GPATCH11: variants seen among roughly 807,000 people sequenced by gnomAD.
GPATCH11 encodes the protein G-patch domain containing 11, also known as G patch domain-containing protein 11.
Under a neutral mutation model 44.8 loss-of-function variants are expected in GPATCH11, and 32 were observed. The observed-to-expected ratio is 0.71, with a 90% confidence interval of 0.54 to 0.96. The LOEUF (loss-of-function observed/expected upper bound fraction) is 0.96. Ranked by LOEUF, GPATCH11 falls within the 40% of genes least tolerant of loss-of-function variation. The pLI is 0.00. For synonymous variants in GPATCH11, 84 were observed against 94.4 expected (o/e 0.89, Z 0.64); for missense variants, 324 against 303.1 (o/e 1.07, Z -0.51).
intron 4 of GPATCH11, 149 bp from the exon 5 acceptor site, chr2:37,091,766 AC>A: frequency 1.8e-6 from 1 of 549,040 alleles, no homozygotes; most frequent in Non-Finnish European, 3.0e-6. Flanking sequence ...CTTAAAAAAA[AC>A]CCTAGTGTTT....
chr2:37,094,003 T>C (rs1363715483), intron 6 of GPATCH11, 79 bp from the exon 7 acceptor site: 4 of 909,014 alleles, frequency 4.4e-6, no homozygotes, highest in Non-Finnish European at 7.1e-6. Flanking sequence ...ATTGAAAGAA[T>C]GAATTCATGT....
At chr2:37,090,622 A>T in intron 3 of GPATCH11, 59 bp from the exon 4 acceptor site, 1 of 909,794 alleles carries the variant, frequency 1.1e-6, no homozygotes, top group Non-Finnish European at 1.7e-6. Flanking sequence ...TTGCATACTT[A>T]TACTGTTCTG....
chr2:37,095,673 T>G (rs576090773), intron 8 of GPATCH11, among the ~76,000 whole-genome samples, 155 bp downstream of exon 8: 1 of 152,316 alleles, frequency 6.6e-6, no homozygotes, highest in East Asian at 1.9e-4. Flanking sequence ...AATTGAGGCT[T>G]TATTAAAATT....
intron 6 of GPATCH11, among the ~76,000 whole-genome samples, chr2:37,092,914 G>A (rs1414770864): frequency 6.6e-6 from 1 of 152,098 alleles, no homozygotes; most frequent in Non-Finnish European, 1.5e-5. Flanking sequence ...GGGAGGCAAA[G>A]GCAGGATGAT....
At chr2:37,091,047 G>A (rs1363507587) in intron 4 of GPATCH11, among the ~76,000 whole-genome samples, 3 of 152,160 alleles carry the variant, frequency 2.0e-5, no homozygotes, top group African/African-American at 7.2e-5. Flanking sequence ...AGAGTTGGCC[G>A]GGCGTGGTGG....
chr2:37,092,456 A>G (rs139271234), intron 6 of GPATCH11, among the ~76,000 whole-genome samples: 312 of 143,238 alleles, frequency 2.2e-3, no homozygotes, highest in Middle Eastern at 7.2e-3. Flanking sequence ...TATATTATAT[A>G]TATTTTATGT....
chr2:37,088,327 C>T, intron 1 of GPATCH11, 42 bp from the exon 2 acceptor site: 1 of 985,470 alleles, frequency 1.0e-6, no homozygotes, highest in Non-Finnish European at 1.5e-6. Context: ...TATTTCCATT[C>T]TGATAAACTA....
At chr2:37,085,276 G>A (rs1672951171) in intron 1 of GPATCH11, among the ~76,000 whole-genome samples, 1 of 152,178 alleles carries the variant, frequency 6.6e-6, no homozygotes, top group African/African-American at 2.4e-5. Context: ...ATTCTTTGTG[G>A]TTTTGAAATA....
Position 37,096,213 on chromosome 2 carries a change from G to A in GPATCH11, c.742G>A (p.Glu248Lys). The A allele has an allele frequency of 6.4e-7, 1 of 1,571,250 alleles. No individual in the cohort carries two copies. The highest frequency in any genetic ancestry group is 8.7e-7 in the Non-Finnish European group (1 of 1,152,792). The stretch of plus-strand genomic sequence containing the variant: ...TTCCCTCACATAACTTACAGATAAA[G>A]AAGACCTATCTTCAAATTGTCCAGG... ...IWCGTAYEDK[E>K]DLSSNCPGPT... Residue 248 changes from glutamate (E) to lysine (K), a missense_variant, in exon 9 of 9, where the codon GAA (glutamate) becomes AAA (lysine). Transcript: ENST00000674370.
intron 4 of GPATCH11, among the ~76,000 whole-genome samples, chr2:37,091,512 A>T (rs966132054): frequency 2.6e-5 from 4 of 152,138 alleles, no homozygotes; most frequent in African/African-American, 9.7e-5. Flanking sequence ...GTGAGCCATG[A>T]TTGTGCCACT....
chr2:37,097,165 C>T lies in GPATCH11; in HGVS notation c.*902C>T, dbSNP rs1673629094. On this transcript the variant is annotated 3_prime_UTR_variant, in exon 9 of 9. Transcript: ENST00000674370. The stretch of plus-strand genomic sequence containing the variant: ...GCAAGTACTTACTGAATTTGGAAAC[C>T]CCTTGATAGCATTCCCAGCAAGTGA... The T allele has an allele frequency of 1.3e-5, 2 of 151,956 alleles. No individual in the cohort carries two copies. Among genetic ancestry groups the T allele is most frequent in the Admixed American group, 6.6e-5 (1 of 15,252 alleles). The allele number at this position is 151,956 out of a possible 1,614,324, so 9.4% of individuals were successfully genotyped here. A position where few individuals can be genotyped will look rare whatever the true frequency, so the allele number is the denominator to read the frequency against.
In GPATCH11 at chr2:37,089,863, A is replaced by G. The variant is rs1477055199; in HGVS notation, c.283A>G (p.Ser95Gly). 6.5e-7 allele frequency: 1 copy of G among 1,549,208 alleles called. No homozygotes were observed. The highest frequency in any genetic ancestry group is 1.2e-5 in the South Asian group (1 of 84,016). ...GYKSGQALGK[S>G]GGGIVEPIPL... ...TAAAAGTGGTCAGGCACTTGGCAAG[A>G]GTGGTAAGTCACATGTGGAAATAAA... The change falls in exon 3 of 9, where the codon AGT becomes GGT. Residue 95 changes from serine to glycine, a missense_variant. By Grantham distance (56) the Ser-to-Gly change is moderately conservative (BLOSUM62 0). Transcript: ENST00000674370.
chr2:37,089,661 G>T lies in GPATCH11; in HGVS notation c.81G>T (p.Leu27Phe). Residue 27 changes from leucine to phenylalanine, a missense_variant, in exon 3 of 9, where the codon TTG becomes TTT. Leu to Phe is a conservative substitution (Grantham distance 22, BLOSUM62 0). Coordinates refer to ENST00000674370, the MANE Select transcript of GPATCH11 (RefSeq NM_174931.4). ...TCAGAGAAGATATCAGACCAGGATTGCCAATGCTAAGGCAAATCCGAGAAG... is the reference window on the plus strand; with the variant it reads ...TCAGAGAAGATATCAGACCAGGATTTCCAATGCTAAGGCAAATCCGAGAAG... ...INVQEDIRPG[L>F]PMLRQIREAR... 1 of 1,551,322 alleles carries T rather than the reference G, an allele frequency of 6.4e-7. No homozygotes were observed.
rs551557917 is a variant in GPATCH11, at chr2:37,090,544, A to G, written c.287-137A>G. On this transcript the variant is annotated intron_variant, in intron 3 of 8. Coordinates refer to ENST00000674370, the MANE Select transcript of GPATCH11 (RefSeq NM_174931.4). The stretch of plus-strand genomic sequence containing the variant: ...ATAATTGATTATATATAGAATATAT[A>G]TAGATGTTCAGATTTCAATTTTGAA... 7 of 592,662 alleles carry G rather than the reference A, an allele frequency of 1.2e-5. No individual in the cohort carries two copies. In the South Asian group the frequency reaches 1.2e-4, roughly 10 times the overall value. The allele number at this position is 592,662 out of a possible 1,614,324, so 36.7% of individuals were successfully genotyped here.
chr2:37,095,293 C>T lies in GPATCH11; in HGVS notation c.655-144C>T, dbSNP rs372300154. The T allele has an allele frequency of 4.4e-5, 43 of 980,172 alleles. 2 individuals are homozygous for T. The South Asian group carries it at 9.1e-4, about 21-fold the overall frequency. The allele number at this position is 980,172 out of a possible 1,614,324, so 60.7% of individuals were successfully genotyped here. A position where few individuals can be genotyped will look rare whatever the true frequency, so the allele number is the denominator to read the frequency against. On this transcript the variant is annotated intron_variant, in intron 7 of 8. Coordinates refer to ENST00000674370, the MANE Select transcript of GPATCH11 (RefSeq NM_174931.4). The stretch of plus-strand genomic sequence containing the variant: ...TGAACTGTAACACATTCGAATATAT[C>T]AGTTCTGTCCTTGACATTTCTAATA...
rs139265818 is a variant in GPATCH11, at chr2:37,095,333, T to C, written c.655-104T>C. The C allele has an allele frequency of 8.0e-4, 1,069 of 1,335,190 alleles. 10 individuals carry two copies. The African/African-American group carries it at 0.015, about 19-fold the overall frequency. 82.7% of individuals were successfully genotyped at this position (1,335,190 alleles called of 1,614,324 possible). A position where few individuals can be genotyped will look rare whatever the true frequency, so the allele number is the denominator to read the frequency against. On this transcript the variant is annotated intron_variant, in intron 7 of 8. Transcript: ENST00000674370. ...CATTTCTAATAACTATTCCAGAGTATAGCAGAATATTTACAGCCTTGAGCT... is the reference window on the plus strand; with the variant it reads ...CATTTCTAATAACTATTCCAGAGTACAGCAGAATATTTACAGCCTTGAGCT...
In GPATCH11 at chr2:37,099,138, C is replaced by T. The variant is rs1673756622; in HGVS notation, c.*2875C>T. The T allele has an allele frequency of 6.6e-6, 1 of 152,120 alleles. No individual in the cohort carries two copies. The highest frequency in any genetic ancestry group is 1.5e-5 in the Non-Finnish European group (1 of 68,028). 9.4% of individuals were successfully genotyped at this position (152,120 alleles called of 1,614,324 possible). A position where few individuals can be genotyped will look rare whatever the true frequency, so the allele number is the denominator to read the frequency against. On this transcript the variant is annotated 3_prime_UTR_variant, in exon 9 of 9. Transcript: ENST00000674370. ...GTCCTATCTAGAAATTCTAAAATGT[C>T]TAATTTTCTTAATTAAAAATCCAGA...
intron 3 of GPATCH11, 105 bp downstream of exon 3, chr2:37,089,971 A>G: frequency 1.2e-6 from 1 of 813,840 alleles, no homozygotes; most frequent in Non-Finnish European, 2.0e-6. Flanking sequence ...AGAAATTATA[A>G]CAACTTAGGC....
intron 2 of GPATCH11, among the ~76,000 whole-genome samples, chr2:37,088,928 G>T (rs1673175071): frequency 6.6e-6 from 1 of 152,154 alleles, no homozygotes; most frequent in African/African-American, 2.4e-5. Flanking sequence ...TCCTTTTAAT[G>T]CTAACCATTT....
Sources: gnomAD v4.1 joint callset for allele counts (sites outside exome capture counted in the v4.1 genomes callset) on GRCh38, gnomAD v4.1.1 for gene constraint, MANE v1.5 for transcripts, NCBI Gene and HGNC (gene_info 2026-07-23, HGNC 2026-07-21) for gene names.